Variants in PRKCE observed in about 807,000 individuals in gnomAD.
PRKCE encodes the protein protein kinase C epsilon type.
Under a neutral mutation model 85.4 loss-of-function variants are expected in PRKCE, and 16 were observed. The ratio of observed to expected loss-of-function variants is 0.19; its 90% CI spans 0.13 to 0.28. The LOEUF is 0.28. Among genes scored for constraint, PRKCE ranks in the 10% least tolerant of loss-of-function variants. The probability of loss-of-function intolerance (pLI) is 1.00; values close to 1 mark genes in which losing one functional copy is unlikely to be tolerated. For missense variants in PRKCE, 573 were observed against 975.2 expected (o/e 0.59, Z 5.49); for synonymous variants, 388 against 371.5 (o/e 1.04, Z -0.51).
chr2:46,183,506 T>C (rs1283967697), intron 14 of PRKCE, among the ~76,000 whole-genome samples: 1 of 152,220 alleles, frequency 6.6e-6, no homozygotes, highest in African/African-American at 2.4e-5. Flanking sequence ...AAAAAAGTAT[T>C]GCTGGAGTCC....
intron 1 of PRKCE, among the ~76,000 whole-genome samples, chr2:45,729,092 A>G (rs1250060086): frequency 6.6e-6 from 1 of 152,190 alleles, no homozygotes; most frequent in Non-Finnish European, 1.5e-5. Flanking sequence ...CATGGCTACC[A>G]TGATGACTTG....
chr2:45,961,974 C>T (rs1489446185), intron 2 of PRKCE, among the ~76,000 whole-genome samples: 2 of 152,168 alleles, frequency 1.3e-5, no homozygotes, highest in African/African-American at 2.4e-5. Context: ...GGATTACAGG[C>T]GTGAACCACC....
At chr2:45,696,797 T>C (rs1284783484) in intron 1 of PRKCE, among the ~76,000 whole-genome samples, 2 of 152,166 alleles carry the variant, frequency 1.3e-5, no homozygotes, top group Admixed American at 6.5e-5. Flanking sequence ...CTCATCCTGA[T>C]AACAAGCTTT....
intron 1 of PRKCE, among the ~76,000 whole-genome samples, chr2:45,713,899 AG>A (rs1679870178): frequency 6.6e-6 from 1 of 152,216 alleles, no homozygotes; most frequent in South Asian, 2.1e-4. Context: ...TATTCTATAA[AG>A]CATTGGTTTG....
intron 11 of PRKCE, among the ~76,000 whole-genome samples, chr2:46,121,679 A>G (rs1158535240): frequency 8.5e-5 from 13 of 152,238 alleles, no homozygotes; most frequent in Admixed American, 8.5e-4. Context: ...CAAAGATCAT[A>G]AACGCTAGGC....
intron 1 of PRKCE, among the ~76,000 whole-genome samples, chr2:45,665,623 G>T (rs1420094466): frequency 1.3e-5 from 2 of 152,172 alleles, no homozygotes; most frequent in African/African-American, 4.8e-5. Context: ...TTCTCTTGCA[G>T]GTGCACTGAG....
chr2:45,896,671 T>G (rs1696167607), intron 2 of PRKCE, among the ~76,000 whole-genome samples: 1 of 152,256 alleles, frequency 6.6e-6, no homozygotes, highest in Non-Finnish European at 1.5e-5. Context: ...TGGAGTAGAT[T>G]GCAGAGAAAA....
intron 11 of PRKCE, among the ~76,000 whole-genome samples, chr2:46,102,732 G>A (rs373771397): frequency 6.6e-6 from 1 of 152,112 alleles, no homozygotes; most frequent in Non-Finnish European, 1.5e-5. Context: ...CTGCCAGCTG[G>A]GATTTGTCTG....
rs145728966 is a variant in PRKCE at position 46,102,015 on chromosome 2, G to C, written c.1592+15653G>C. ...AAATTTTAACAATCTGCTCTTGTGA[G>C]CTGGTGTGAGCTAGCTACAGGTCCC... On this transcript the variant is annotated intron_variant, in intron 11 of 14. Coordinates refer to ENST00000306156, the MANE Select transcript of PRKCE (RefSeq NM_005400.3). Among the ~76,000 whole-genome samples, 20 of 151,546 alleles carry C rather than the reference G, an allele frequency of 1.3e-4. No homozygotes were observed. The East Asian group carries it at 1.4e-3, about 10-fold the overall frequency.
intron 10 of PRKCE, among the ~76,000 whole-genome samples, chr2:46,055,053 G>C (rs943292481): frequency 6.6e-6 from 1 of 151,906 alleles, no homozygotes. Flanking sequence ...TCTCTAATTC[G>C]TTCGTGATCA....
At chr2:45,766,240 G>A (rs557847265) in intron 1 of PRKCE, among the ~76,000 whole-genome samples, 88 of 152,268 alleles carry the variant, frequency 5.8e-4, no homozygotes, top group African/African-American at 2.0e-3. Flanking sequence ...CAAGATAATC[G>A]ACTGGGAGAA....
intron 1 of PRKCE, among the ~76,000 whole-genome samples, chr2:45,670,518 ATG>A (rs1676109007): frequency 6.6e-6 from 1 of 152,332 alleles, no homozygotes; most frequent in African/African-American, 2.4e-5. Context: ...AGTTTTATTT[ATG>A]TGAGTACGTA....
At chr2:45,862,488 G>C (rs1027225426) in intron 2 of PRKCE, among the ~76,000 whole-genome samples, 2 of 152,184 alleles carry the variant, frequency 1.3e-5, no homozygotes, top group Admixed American at 1.3e-4. Flanking sequence ...TAACCAGACT[G>C]TCAGAAGTGA....
intron 1 of PRKCE, among the ~76,000 whole-genome samples, chr2:45,770,038 T>C (rs996929106): frequency 2.0e-5 from 3 of 152,230 alleles, no homozygotes; most frequent in African/African-American, 7.2e-5. Context: ...CACACAGGAT[T>C]TGCAGTTCTG....
At position 46,004,954 on chromosome 2, in the gene PRKCE, G is replaced by T. The variant is rs919357838; in HGVS notation, c.1063+316G>T. ...GGTTCCAAGTGTACTGCAGAGAGAA[G>T]GGTACAGCTCCCTCTCTTAAAGCTC... On this transcript the variant is annotated intron_variant, in intron 8 of 14. Transcript: ENST00000306156. The surrounding 1 kb of genome is among the most constrained non-coding windows in gnomAD (Gnocchi z 4.1). 2.0e-5 allele frequency among the ~76,000 whole-genome samples: 3 copies of T among 152,156 alleles called. No individual in the cohort carries two copies. Among genetic ancestry groups the T allele is most frequent in the African/African-American group, 7.2e-5 (3 of 41,426 alleles).
At chr2:45,739,353 G>C (rs1386448192) in intron 1 of PRKCE, among the ~76,000 whole-genome samples, 2 of 152,178 alleles carry the variant, frequency 1.3e-5, no homozygotes, top group African/African-American at 2.4e-5. Context: ...GTGACCAAGA[G>C]TGTCCCTGTG....
At chr2:46,090,041 A>G (rs1007732236) in intron 11 of PRKCE, among the ~76,000 whole-genome samples, 7 of 152,124 alleles carry the variant, frequency 4.6e-5, no homozygotes, top group African/African-American at 1.2e-4. Context: ...GGGAGGGGAA[A>G]TAGGTAAGGG....
At chr2:46,148,398 T>C (rs1676291240) in intron 12 of PRKCE, among the ~76,000 whole-genome samples, 1 of 152,188 alleles carries the variant, frequency 6.6e-6, no homozygotes, top group African/African-American at 2.4e-5. Context: ...GAGAAGGCTG[T>C]GGAAGGGGCC....
chr2:45,678,596 G>A (rs1031813713), intron 1 of PRKCE, among the ~76,000 whole-genome samples: 6 of 144,648 alleles, frequency 4.1e-5, no homozygotes, highest in East Asian at 2.4e-4. Flanking sequence ...AGGTTAGAAG[G>A]CAAACGACTC....
Sources: gnomAD v4.1 joint callset for allele counts (sites outside exome capture counted in the v4.1 genomes callset) on GRCh38, gnomAD v4.1.1 for gene constraint, Gnocchi (gnomAD v3.1) non-coding constraint, MANE v1.5 for transcripts, NCBI Gene and HGNC (gene_info 2026-07-23, HGNC 2026-07-21) for gene names.